The following RABGAP1L variants were observed in gnomAD, a reference collection of about 807,000 sequenced individuals.
The protein encoded by RABGAP1L is rab GTPase-activating protein 1-like.
RABGAP1L carries 63 observed loss-of-function variants against 137.7 expected under a neutral mutation model. That is an observed-to-expected ratio of 0.46 (90% confidence interval 0.37 to 0.56). The LOEUF (loss-of-function observed/expected upper bound fraction) is 0.56. RABGAP1L is among the 20% of genes least tolerant of loss of function. The pLI is 0.00. For synonymous variants in RABGAP1L, 431 were observed against 433.7 expected, an observed-to-expected ratio of 0.99 and a Z score of 0.08; for missense variants, 1,095 against 1,244.0, an observed-to-expected ratio of 0.88 and a Z score of 1.80.
At position 174,637,470 on chromosome 1, in the gene RABGAP1L, G is replaced by A. The variant is rs754035458; in HGVS notation, c.1806G>A (p.Ser602=). The change falls in exon 14 of 26, where the codon TCG becomes TCA. Residue 602 remains serine, a synonymous_variant. Transcript: ENST00000681986. ...ATACTGGAGGAGATGGTCAAGAATC[G>A]CTCTATAAGATCTGCAAGGTAGGAC... ...FKDTGGDGQE[S]LYKICKAYSV... is the part of the protein sequence containing the mutation. 1.2e-6 allele frequency: 2 copies of A among 1,605,382 alleles called. No homozygotes were observed. Among genetic ancestry groups the A allele is most frequent in the Non-Finnish European group, 1.7e-6 (2 of 1,172,218 alleles).
chr1:174,989,721 T>G, intron 25 of RABGAP1L, 128 bp from the exon 26 acceptor site: 1 of 985,114 alleles, frequency 1.0e-6, no homozygotes, highest in South Asian at 1.7e-5. Context: ...ATTCAATCTC[T>G]CCTGGGTTTT....
chr1:174,652,692 G>T (rs537225121), intron 14 of RABGAP1L, among the ~76,000 whole-genome samples: 3 of 152,118 alleles, frequency 2.0e-5, no homozygotes, highest in Non-Finnish European at 2.9e-5. Context: ...AGAGGCACTC[G>T]CCAGATGCCA....
intron 13 of RABGAP1L, among the ~76,000 whole-genome samples, chr1:174,440,811 G>A (rs1654044596): frequency 6.6e-6 from 1 of 152,064 alleles, no homozygotes; most frequent in South Asian, 2.1e-4. Context: ...GCCCGCCTGG[G>A]CCTTCCAAAG....
At chr1:174,165,334 C>T (rs898459943) in intron 1 of RABGAP1L, among the ~76,000 whole-genome samples, 1 of 151,830 alleles carries the variant, frequency 6.6e-6, no homozygotes, top group African/African-American at 2.4e-5. Context: ...ATTTTTAGTA[C>T]AGACGGGGTT....
chr1:174,829,523 A>G (rs1691893927), intron 19 of RABGAP1L, among the ~76,000 whole-genome samples: 1 of 147,768 alleles, frequency 6.8e-6, no homozygotes, highest in African/African-American at 2.5e-5. Context: ...TCCCTATTAG[A>G]TTTTTTTGGA....
chr1:174,953,172 C>CAAATTCTTCCGA, intron 19 of RABGAP1L, among the ~76,000 whole-genome samples: 1 of 151,918 alleles, frequency 6.6e-6, no homozygotes, highest in Admixed American at 6.6e-5. Context: ...ATTATTAAGG[C>CAAATTCTTCCGA]AAATTCTTCC....
At chr1:174,627,159 C>G (rs773230068) in intron 13 of RABGAP1L, among the ~76,000 whole-genome samples, 3 of 152,142 alleles carry the variant, frequency 2.0e-5, no homozygotes, top group Non-Finnish European at 4.4e-5. Context: ...GATGCTGTCA[C>G]AGTTTTTAAA....
At chr1:174,741,513 C>T (rs1683406439) in intron 17 of RABGAP1L, among the ~76,000 whole-genome samples, 6 of 152,042 alleles carry the variant, frequency 3.9e-5, no homozygotes, top group Admixed American at 3.3e-4. Context: ...CAGGCATTTG[C>T]TGCCACACCT....
intron 13 of RABGAP1L, among the ~76,000 whole-genome samples, chr1:174,599,465 A>G (rs1007329987): frequency 2.0e-5 from 3 of 152,280 alleles, no homozygotes; most frequent in Admixed American, 1.3e-4. Context: ...CTTTTTGCCC[A>G]TTAACATCAT....
chr1:174,183,508 C>A (rs1171511757), intron 1 of RABGAP1L, among the ~76,000 whole-genome samples: 3 of 152,182 alleles, frequency 2.0e-5, no homozygotes, highest in Admixed American at 6.5e-5. Flanking sequence ...ACAGACAGTT[C>A]CTGCATACCC....
At chr1:174,853,054 G>A (rs566335485) in intron 19 of RABGAP1L, among the ~76,000 whole-genome samples, 1 of 151,986 alleles carries the variant, frequency 6.6e-6, no homozygotes, top group Non-Finnish European at 1.5e-5. Context: ...GAATGAAACT[G>A]CATTATTGCT....
chr1:174,455,619 T>G (rs1023647166), intron 13 of RABGAP1L, among the ~76,000 whole-genome samples: 19 of 152,216 alleles, frequency 1.2e-4, no homozygotes, highest in Admixed American at 3.9e-4. Flanking sequence ...CTTAATAGAG[T>G]TCTAAGTTTA....
Position 174,448,273 on chromosome 1 carries a change from C to T in RABGAP1L, c.1710+54128C>T. 6.2e-7 allele frequency: 1 copy of T among 1,613,578 alleles called. No individual in the cohort carries two copies. Among genetic ancestry groups the T allele is most frequent in the Non-Finnish European group, 8.5e-7 (1 of 1,179,504 alleles). ...TTATTGTGTTGCTGACATTTCTGAT[C>T]ATTGCTGGGAATCTAACAGTTATCT... On this transcript the variant is annotated intron_variant, in intron 13 of 25. Coordinates refer to ENST00000681986, the MANE Select transcript of RABGAP1L (RefSeq NM_001366446.1). The surrounding 1 kb of genome is among the most constrained non-coding windows in gnomAD (Gnocchi z 4.2).
At chr1:174,437,675 TCTA>T (rs1471986823) in intron 13 of RABGAP1L, among the ~76,000 whole-genome samples, 1 of 152,050 alleles carries the variant, frequency 6.6e-6, no homozygotes, top group Non-Finnish European at 1.5e-5. Flanking sequence ...ACTTCCCCAA[TCTA>T]GCAAGGCAGA....
intron 14 of RABGAP1L, among the ~76,000 whole-genome samples, chr1:174,641,979 C>A (rs1002144049): frequency 9.9e-5 from 15 of 152,124 alleles, no homozygotes; most frequent in Admixed American, 2.0e-4. Context: ...CGGTTTGTTA[C>A]ATCAAATGGA....
intron 13 of RABGAP1L, among the ~76,000 whole-genome samples, chr1:174,553,560 A>G (rs1358022190): frequency 6.6e-6 from 1 of 152,246 alleles, no homozygotes; most frequent in African/African-American, 2.4e-5. Flanking sequence ...AGGAGGGAAC[A>G]CTTCCTGACT....
rs142636576 is a variant in RABGAP1L at position 174,323,326 on chromosome 1, TAAAC to T, written c.1465+18203_1465+18206del. Among the ~76,000 whole-genome samples the T allele has an allele frequency of 8.3e-3, 1,268 of 152,174 alleles. 12 individuals carry two copies. The highest frequency in any genetic ancestry group is 0.029 in the African/African-American group (1,194 of 41,544). The stretch of plus-strand genomic sequence containing the variant: ...AAATCATTTGAGATCATAGGGATAA[TAAAC>T]AAAATTCAAATCTATGTAAATCTCA... On this transcript the variant is annotated intron_variant, in intron 11 of 25. Transcript: ENST00000681986.
Position 174,664,727 on chromosome 1 carries a change from C to T in RABGAP1L, c.1825-18795C>T, listed in dbSNP as rs1324909093. Among the ~76,000 whole-genome samples the T allele has an allele frequency of 4.1e-4, 44 of 107,152 alleles. 1 individual carries two copies. The highest frequency in any genetic ancestry group is 1.3e-3 in the African/African-American group (25 of 19,414). 70.3% of individuals were successfully genotyped at this position (107,152 alleles called of 152,430 possible). Reference sequence around the variant, plus strand: ...TCTCTCTCTCTTTCTTTCTTTCTTTCTGCTTTCTTTTTTTTTTTTTTTTTT... The same window carrying T: ...TCTCTCTCTCTTTCTTTCTTTCTTTTTGCTTTCTTTTTTTTTTTTTTTTTT... On this transcript the variant is annotated intron_variant, in intron 14 of 25. Coordinates refer to ENST00000681986, the MANE Select transcript of RABGAP1L (RefSeq NM_001366446.1).
chr1:174,331,537 G>A (rs1051797736), intron 11 of RABGAP1L, among the ~76,000 whole-genome samples: 2 of 152,272 alleles, frequency 1.3e-5, no homozygotes, highest in East Asian at 1.9e-4. Context: ...ATGATAAAAC[G>A]CTCAACATCA....
Sources: gnomAD v4.1 joint callset for allele counts (sites outside exome capture counted in the v4.1 genomes callset) on GRCh38, gnomAD v4.1.1 for gene constraint, Gnocchi (gnomAD v3.1) non-coding constraint, MANE v1.5 for transcripts, NCBI Gene and HGNC (gene_info 2026-07-23, HGNC 2026-07-21) for gene names.